The following NPAS3 variants were observed in gnomAD, a reference collection of about 807,000 sequenced individuals.
The protein encoded by NPAS3 is neuronal PAS domain-containing protein 3.
NPAS3 carries 14 observed loss-of-function variants against 73.1 expected under a neutral mutation model. That is an observed-to-expected ratio of 0.19 (90% CI 0.13 to 0.30). NPAS3 has a LOEUF of 0.30. NPAS3 is among the 10% of genes least tolerant of loss of function. The pLI, the probability that NPAS3 is intolerant of heterozygous loss-of-function variation, is 1.00. For synonymous variants in NPAS3, 620 were observed against 541.5 expected, an observed-to-expected ratio of 1.14 and a Z score of -2.01; for missense variants, 1,096 against 1,250.0, an observed-to-expected ratio of 0.88 and a Z score of 1.86.
chr14:33,239,863 GT>G (rs33957230), intron 3 of NPAS3, among the ~76,000 whole-genome samples: 7 of 150,946 alleles, frequency 4.6e-5, no homozygotes, highest in African/African-American at 9.7e-5. Context: ...ATTAGAAATA[GT>G]TTTTTTTTCA....
chr14:33,735,345 C>T lies in NPAS3; in HGVS notation c.852+13C>T, dbSNP rs191574245. 357 of 1,579,506 alleles carry T rather than the reference C, an allele frequency of 2.3e-4. 3 individuals carry two copies. In the East Asian group the frequency reaches 2.7e-3, roughly 12 times the overall value. On this transcript the variant is annotated intron_variant, in intron 7 of 11. Coordinates refer to ENST00000356141, the Ensembl canonical transcript of NPAS3. ...ATCAGGATATAAGGTAAGCCGGTTC[C>T]GGGAGGGGAGACATTGCTGTCTCAG...
chr14:33,258,143 TC>T (rs976989882), intron 3 of NPAS3, among the ~76,000 whole-genome samples: 5 of 152,176 alleles, frequency 3.3e-5, no homozygotes, highest in African/African-American at 1.2e-4. Context: ...ACCTTTGTAA[TC>T]CCAGCACTTT....
chr14:33,554,210 G>A (rs1276773705), intron 4 of NPAS3, among the ~76,000 whole-genome samples: 1 of 152,166 alleles, frequency 6.6e-6, no homozygotes, highest in African/African-American at 2.4e-5. Flanking sequence ...TAACAGCAAA[G>A]CTGTCTTAGC....
intron 5 of NPAS3, among the ~76,000 whole-genome samples, chr14:33,651,102 T>C (rs2058980610): frequency 6.6e-6 from 1 of 152,242 alleles, no homozygotes; most frequent in African/African-American, 2.4e-5. Context: ...ACCATCTCTC[T>C]GCCTCTTTGA....
At chr14:33,548,125 T>C (rs1036231331) in intron 4 of NPAS3, among the ~76,000 whole-genome samples, 1 of 152,220 alleles carries the variant, frequency 6.6e-6, no homozygotes, top group Non-Finnish European at 1.5e-5. Context: ...GGAATTCGGA[T>C]GCCTTTGACA....
At chr14:33,342,741 C>G (rs759152028) in intron 3 of NPAS3, among the ~76,000 whole-genome samples, 24 of 151,972 alleles carry the variant, frequency 1.6e-4, no homozygotes, top group Non-Finnish European at 3.2e-4. Flanking sequence ...AAGTTTATTG[C>G]CCCCTGCTGC....
intron 2 of NPAS3, among the ~76,000 whole-genome samples, chr14:33,166,655 C>T (rs1275299012): frequency 3.3e-5 from 5 of 152,028 alleles, no homozygotes; most frequent in Non-Finnish European, 7.4e-5. Context: ...ATATAAGGCC[C>T]CTTTGATAGA....
chr14:33,367,366 A>G (rs934853026), intron 4 of NPAS3, 98 bp downstream of exon 4: 16 of 571,436 alleles, frequency 2.8e-5, no homozygotes, highest in Non-Finnish European at 4.6e-5. Flanking sequence ...TGTCAGCTGT[A>G]TATTTGACTG....
At chr14:33,075,613 A>G (rs548033433) in intron 2 of NPAS3, among the ~76,000 whole-genome samples, 3 of 152,360 alleles carry the variant, frequency 2.0e-5, no homozygotes, top group Non-Finnish European at 4.4e-5. Flanking sequence ...AGCAGCTTCT[A>G]TTAGTCAACA....
intron 6 of NPAS3, among the ~76,000 whole-genome samples, chr14:33,728,004 A>T (rs930095160): frequency 6.6e-6 from 1 of 152,094 alleles, no homozygotes; most frequent in African/African-American, 2.4e-5. Flanking sequence ...TCCCCCTTGA[A>T]CTTTCCCGTT....
Position 33,498,931 on chromosome 14 carries a change from AGAGAGTGTGTGTGTGT to A in NPAS3, c.469-61188_469-61173del, listed in dbSNP as rs1486011108. Among the ~76,000 whole-genome samples the A allele has an allele frequency of 1.3e-3, 150 of 119,328 alleles. 2 individuals carry two copies. The highest frequency in any genetic ancestry group is 4.2e-3 in the African/African-American group (116 of 27,928). The allele number at this position is 119,328 out of a possible 152,430, so 78.3% of individuals were successfully genotyped here. A position where few individuals can be genotyped will look rare whatever the true frequency, so the allele number is the denominator to read the frequency against. On this transcript the variant is annotated intron_variant, in intron 4 of 11. Coordinates refer to ENST00000356141, the Ensembl canonical transcript of NPAS3. ...AAATGAATGAGAGAGAGAGACAGAG[AGAGAGTGTGTGTGTGT>A]GTGTGTGTGTGTGTGTGTGTGTGTG...
At chr14:33,516,285 G>A (rs1056648597) in intron 4 of NPAS3, among the ~76,000 whole-genome samples, 1 of 152,076 alleles carries the variant, frequency 6.6e-6, no homozygotes, top group Non-Finnish European at 1.5e-5. Flanking sequence ...AAATCTTTCA[G>A]GTAAATACTT....
At chr14:33,183,457 T>TTTTTTA (rs2045877112) in intron 2 of NPAS3, among the ~76,000 whole-genome samples, 1 of 64,820 alleles carries the variant, frequency 1.5e-5, no homozygotes, top group Non-Finnish European at 3.2e-5. Flanking sequence ...TTTTTTTTTT[T>TTTTTTA]GAAACAATCT....
chr14:33,791,376 T>A (rs1291303561), intron 9 of NPAS3, among the ~76,000 whole-genome samples: 3 of 152,330 alleles, frequency 2.0e-5, no homozygotes, highest in Non-Finnish European at 2.9e-5. Flanking sequence ...TAGCTGACCC[T>A]TGGCCTGGGT....
At chr14:33,615,880 G>A (rs1464151733) in intron 5 of NPAS3, among the ~76,000 whole-genome samples, 5 of 152,072 alleles carry the variant, frequency 3.3e-5, no homozygotes, top group African/African-American at 4.8e-5. Flanking sequence ...AAAAATACCC[G>A]AGGCAAAAAT....
intron 4 of NPAS3, among the ~76,000 whole-genome samples, chr14:33,426,799 A>T (rs2048572398): frequency 6.6e-6 from 1 of 152,060 alleles, no homozygotes; most frequent in African/African-American, 2.4e-5. Context: ...TACAAGTCTC[A>T]TTTGTATTAT....
intron 3 of NPAS3, among the ~76,000 whole-genome samples, chr14:33,266,342 A>G: frequency 6.6e-6 from 1 of 152,170 alleles, no homozygotes; most frequent in East Asian, 1.9e-4. Context: ...CTAAGCCAAA[A>G]TTATCCTTCT....
chr14:33,566,225 T>TCC (rs200645975), intron 5 of NPAS3, among the ~76,000 whole-genome samples: 3 of 134,270 alleles, frequency 2.2e-5, no homozygotes, highest in African/African-American at 8.1e-5. Flanking sequence ...AAATTGATTT[T>TCC]TCCCCCCCGA....
In NPAS3 at chr14:32,993,074, C is replaced by T. The variant is rs371617127; in HGVS notation, c.50+53708C>T. ...CTGAGGCAGGAGAATATCTTGAACC[C>T]GGGCAGTGGAGGTTGCAGTGAGCCT... On this transcript the variant is annotated intron_variant, in intron 1 of 11. Transcript: ENST00000356141. 5.0e-4 allele frequency among the ~76,000 whole-genome samples: 75 copies of T among 150,520 alleles called. 1 individual carries two copies. In the South Asian group the frequency reaches 0.015, roughly 29 times the overall value.
Sources: gnomAD v4.1 joint callset for allele counts (sites outside exome capture counted in the v4.1 genomes callset) on GRCh38, gnomAD v4.1.1 for gene constraint, MANE v1.5 for transcripts, NCBI Gene and HGNC (gene_info 2026-07-23, HGNC 2026-07-21) for gene names.